Variants in CADM2 observed in about 807,000 individuals in gnomAD.
CADM2 encodes the protein cell adhesion molecule 2.
Under a neutral mutation model 49.8 loss-of-function variants are expected in CADM2, and 12 were observed. The ratio of observed to expected loss-of-function variants is 0.24; its 90% CI spans 0.15 to 0.39. The LOEUF is 0.39. CADM2 is among the 10% of genes least tolerant of loss of function. The pLI is 1.00. For synonymous variants in CADM2, 214 were observed against 175.4 expected, an observed-to-expected ratio of 1.22 and a Z score of -1.74; for missense variants, 378 against 492.3, an observed-to-expected ratio of 0.77 and a Z score of 2.20.
intron 1 of CADM2, among the ~76,000 whole-genome samples, chr3:85,443,928 A>C (rs2107549298): frequency 6.6e-6 from 1 of 151,944 alleles, no homozygotes; most frequent in East Asian, 1.9e-4. Flanking sequence ...TAGGTATCTC[A>C]GATTTAATGA....
chr3:86,066,331 T>TAAAAA (rs1204983209), intron 9 of CADM2, among the ~76,000 whole-genome samples: 1 of 7,700 alleles, frequency 1.3e-4, no homozygotes, highest in Non-Finnish European at 1.6e-4. Flanking sequence ...AGACTCCGTC[T>TAAAAA]CAAAAAAAAA....
chr3:85,967,190 T>C (rs1326937167), intron 8 of CADM2, among the ~76,000 whole-genome samples: 1 of 151,646 alleles, frequency 6.6e-6, no homozygotes, highest in African/African-American at 2.4e-5. Flanking sequence ...TAGACACATA[T>C]CGTTTTCAGA....
chr3:85,311,244 T>G (rs1266881612), intron 1 of CADM2, among the ~76,000 whole-genome samples: 1 of 152,122 alleles, frequency 6.6e-6, no homozygotes, highest in Non-Finnish European at 1.5e-5. Context: ...TAGCTAGATC[T>G]TAATTTAAAG....
intron 8 of CADM2, among the ~76,000 whole-genome samples, chr3:86,023,624 C>T (rs1363370379): frequency 6.6e-6 from 1 of 152,132 alleles, no homozygotes; most frequent in Non-Finnish European, 1.5e-5. Flanking sequence ...TCCCAAAGTC[C>T]TGGGATTACA....
At chr3:85,176,412 T>G (rs1217027642) in intron 1 of CADM2, among the ~76,000 whole-genome samples, 1 of 152,220 alleles carries the variant, frequency 6.6e-6, no homozygotes, top group Non-Finnish European at 1.5e-5. Flanking sequence ...TTGGGAATAA[T>G]TTTGAAATGA....
At chr3:85,762,907 T>A (rs1293596364) in intron 2 of CADM2, among the ~76,000 whole-genome samples, 1 of 151,810 alleles carries the variant, frequency 6.6e-6, no homozygotes, top group Non-Finnish European at 1.5e-5. Flanking sequence ...GTTTATTCAC[T>A]TTAACTGTAT....
At chr3:85,934,608 A>T (rs1314676513) in intron 6 of CADM2, among the ~76,000 whole-genome samples, 1 of 152,116 alleles carries the variant, frequency 6.6e-6, no homozygotes, top group Non-Finnish European at 1.5e-5. Flanking sequence ...AGGAGAATGC[A>T]TTTGAAAAGC....
chr3:85,158,756 G>A (rs2040221877), intron 1 of CADM2, among the ~76,000 whole-genome samples: 1 of 151,946 alleles, frequency 6.6e-6, no homozygotes, highest in African/African-American at 2.4e-5. Flanking sequence ...ACGAGTTAGT[G>A]GGTGCAGCAC....
chr3:85,770,498 T>G (rs1177354291), intron 2 of CADM2, among the ~76,000 whole-genome samples: 3 of 152,040 alleles, frequency 2.0e-5, no homozygotes, highest in Non-Finnish European at 2.9e-5. Flanking sequence ...TTATTATTAT[T>G]TGTAGATAAA....
In CADM2 at chr3:85,433,220, C is replaced by A. The variant is rs1414168028; in HGVS notation, c.62-293302C>A. Among the ~76,000 whole-genome samples the A allele has an allele frequency of 2.0e-5, 3 of 151,818 alleles. No individual in the cohort carries two copies. The South Asian group carries it at 6.2e-4, about 31-fold the overall frequency. On this transcript the variant is annotated intron_variant, in intron 1 of 9. Coordinates refer to ENST00000383699, the MANE Select transcript of CADM2 (RefSeq NM_001167675.2). ...TATGACATTAAAATAACTAGCTATCCTTTGAAGTCCAAATTTAGCCAATGC... is the reference window on the plus strand; with the variant it reads ...TATGACATTAAAATAACTAGCTATCATTTGAAGTCCAAATTTAGCCAATGC...
intron 1 of CADM2, among the ~76,000 whole-genome samples, chr3:85,626,740 A>G (rs1341215094): frequency 1.3e-5 from 2 of 152,034 alleles, no homozygotes; most frequent in Non-Finnish European, 2.9e-5. Flanking sequence ...CTCTTTCAGT[A>G]TTGTGGATTC....
At chr3:85,362,712 T>A (rs1220217025) in intron 1 of CADM2, among the ~76,000 whole-genome samples, 2 of 152,192 alleles carry the variant, frequency 1.3e-5, no homozygotes, top group African/African-American at 2.4e-5. Context: ...ATAGGTAGAT[T>A]GGAACTTTAT....
intron 1 of CADM2, among the ~76,000 whole-genome samples, chr3:85,330,002 A>C (rs1361031272): frequency 6.6e-6 from 1 of 152,178 alleles, no homozygotes; most frequent in African/African-American, 2.4e-5. Context: ...GAGATAACTC[A>C]TTTCTCAATT....
chr3:85,487,406 C>G (rs960703029), intron 1 of CADM2, among the ~76,000 whole-genome samples: 2 of 152,074 alleles, frequency 1.3e-5, no homozygotes, highest in East Asian at 3.9e-4. Flanking sequence ...TGTCGTGTGC[C>G]TGTAGTCCCA....
At chr3:85,738,166 ACAAT>A (rs2068224806) in intron 2 of CADM2, among the ~76,000 whole-genome samples, 1 of 35,126 alleles carries the variant, frequency 2.8e-5, no homozygotes, top group Non-Finnish European at 4.7e-5. Context: ...ACGTATATTC[ACAAT>A]GATTCACAAT....
chr3:85,563,545 C>T (rs2062163228), intron 1 of CADM2, among the ~76,000 whole-genome samples: 1 of 152,010 alleles, frequency 6.6e-6, no homozygotes. Context: ...GCCAGCATGA[C>T]TCCTTGAATG....
chr3:85,962,319 T>C (rs1724938419), intron 8 of CADM2, among the ~76,000 whole-genome samples: 1 of 151,982 alleles, frequency 6.6e-6, no homozygotes, highest in African/African-American at 2.4e-5. Flanking sequence ...ATCATAAACA[T>C]ATACTTTATA....
intron 8 of CADM2, among the ~76,000 whole-genome samples, chr3:85,965,462 T>A (rs976881505): frequency 6.6e-6 from 1 of 151,410 alleles, no homozygotes; most frequent in Admixed American, 6.6e-5. Flanking sequence ...CCAAGGACAA[T>A]CAAACTCCAA....
intron 1 of CADM2, among the ~76,000 whole-genome samples, chr3:85,305,542 A>G (rs1018409929): frequency 1.3e-5 from 2 of 151,672 alleles, no homozygotes; most frequent in Non-Finnish European, 3.0e-5. Flanking sequence ...TAATGGAAAT[A>G]GTAAATTGGT....
Sources: gnomAD v4.1 joint callset for allele counts (sites outside exome capture counted in the v4.1 genomes callset) on GRCh38, gnomAD v4.1.1 for gene constraint, MANE v1.5 for transcripts, NCBI Gene and HGNC (gene_info 2026-07-23, HGNC 2026-07-21) for gene names.